Variants in SLC4A4 observed in about 807,000 individuals in gnomAD.
The protein encoded by SLC4A4 is solute carrier family 4 member 4, also known as electrogenic sodium bicarbonate cotransporter 1.
SLC4A4 carries 27 observed loss-of-function variants against 111.5 expected under a neutral mutation model. The observed-to-expected ratio is 0.24, with a 90% CI of 0.18 to 0.33. The LOEUF is 0.33. Ranked by LOEUF, SLC4A4 falls within the 10% of genes least tolerant of loss-of-function variation. The probability of loss-of-function intolerance (pLI) is 1.00; values close to 1 mark genes in which losing one functional copy is unlikely to be tolerated. For missense variants in SLC4A4, 909 were observed against 1,315.5 expected (o/e 0.69, Z 4.78); for synonymous variants, 443 against 463.4 (o/e 0.96, Z 0.57).
At chr4:71,397,717 A>G (rs1579006993) in intron 7 of SLC4A4, 64 bp downstream of exon 7, 2 of 1,377,632 alleles carry the variant, frequency 1.5e-6, no homozygotes, top group African/African-American at 2.9e-5. Flanking sequence ...ATGCTGAGAA[A>G]GGATTAGAGG....
intron 1 of SLC4A4, among the ~76,000 whole-genome samples, chr4:71,086,890 G>C (rs913059271): frequency 2.6e-5 from 4 of 151,976 alleles, no homozygotes; most frequent in African/African-American, 9.7e-5. Flanking sequence ...TCTCTGCCAG[G>C]CTTTGGTATC....
chr4:71,156,476 A>G (rs1020014565), intron 2 of SLC4A4, among the ~76,000 whole-genome samples: 1 of 151,966 alleles, frequency 6.6e-6, no homozygotes, highest in Non-Finnish European at 1.5e-5. Flanking sequence ...AACTCTAACT[A>G]CAATTGACTC....
At chr4:71,224,635 A>G (rs1427020141) in intron 1 of SLC4A4, among the ~76,000 whole-genome samples, 1 of 152,274 alleles carries the variant, frequency 6.6e-6, no homozygotes, top group Non-Finnish European at 1.5e-5. Context: ...TGTTTGCTAA[A>G]TAAAAATAAA....
intron 1 of SLC4A4, among the ~76,000 whole-genome samples, chr4:71,235,334 A>G (rs975314255): frequency 1.3e-5 from 2 of 152,236 alleles, no homozygotes; most frequent in African/African-American, 2.4e-5. Flanking sequence ...GCACATCCGC[A>G]TAGATTATAA....
chr4:71,435,712 A>C (rs1724069837), intron 7 of SLC4A4, among the ~76,000 whole-genome samples: 1 of 152,304 alleles, frequency 6.6e-6, no homozygotes, highest in East Asian at 1.9e-4. Context: ...CAAATTTACA[A>C]GAAAAAAACA....
At chr4:71,271,594 G>A (rs941146449) in intron 3 of SLC4A4, among the ~76,000 whole-genome samples, 2 of 152,126 alleles carry the variant, frequency 1.3e-5, no homozygotes, top group Non-Finnish European at 2.9e-5. Flanking sequence ...ATAAAAAGAG[G>A]CACAATCAGT....
chr4:71,155,646 T>C (rs536006162), intron 2 of SLC4A4, among the ~76,000 whole-genome samples: 2 of 152,196 alleles, frequency 1.3e-5, no homozygotes, highest in South Asian at 4.2e-4. Context: ...TTTGTTTTTT[T>C]AGAGATGGGG....
At position 71,145,555 on chromosome 4, in the gene SLC4A4, C is replaced by T. The variant is rs566219241; in HGVS notation, c.-2+52763C>T. 4.0e-5 allele frequency among the ~76,000 whole-genome samples: 6 copies of T among 151,870 alleles called. No homozygotes were observed. In the East Asian group the frequency reaches 5.9e-4, roughly 15 times the overall value. On this transcript the variant is annotated intron_variant, in intron 2 of 26. Coordinates refer to the SLC4A4 transcript ENST00000649996. ...TCCTCCTTGTACCTCTGGTAGAATTCGGCTGTGAATCCATCTGGTCCTGGA... is the reference window on the plus strand; with the variant it reads ...TCCTCCTTGTACCTCTGGTAGAATTTGGCTGTGAATCCATCTGGTCCTGGA...
intron 3 of SLC4A4, among the ~76,000 whole-genome samples, chr4:71,287,662 TAA>T (rs1724026020): frequency 6.6e-6 from 1 of 152,222 alleles, no homozygotes. Flanking sequence ...TCATTGACAG[TAA>T]AGTCTCATTG....
At chr4:71,491,843 C>T (rs1475796361) in intron 15 of SLC4A4, among the ~76,000 whole-genome samples, 3 of 151,744 alleles carry the variant, frequency 2.0e-5, no homozygotes, top group African/African-American at 7.3e-5. Flanking sequence ...AGTGATTAGC[C>T]TATGGTAAAA....
At chr4:71,172,585 G>C (rs968255583) in intron 2 of SLC4A4, among the ~76,000 whole-genome samples, 1 of 152,202 alleles carries the variant, frequency 6.6e-6, no homozygotes, top group Non-Finnish European at 1.5e-5. Context: ...AATGTTTGCA[G>C]AATATGAATC....
intron 12 of SLC4A4, among the ~76,000 whole-genome samples, chr4:71,458,176 T>C (rs1726472586): frequency 6.6e-6 from 1 of 152,098 alleles, no homozygotes; most frequent in Admixed American, 6.6e-5. Context: ...CATATAAATA[T>C]ATTTCAGTAG....
intron 6 of SLC4A4, among the ~76,000 whole-genome samples, chr4:71,365,090 G>A (rs969084805): frequency 1.3e-5 from 2 of 152,136 alleles, no homozygotes; most frequent in South Asian, 2.1e-4. Flanking sequence ...GAAATAATAT[G>A]TGTACAGCAA....
At chr4:71,102,854 T>C (rs1742799243) in intron 2 of SLC4A4, among the ~76,000 whole-genome samples, 1 of 149,592 alleles carries the variant, frequency 6.7e-6, no homozygotes, top group Non-Finnish European at 1.5e-5. Context: ...AGGAAGAAAC[T>C]GCATCAACTA....
intron 6 of SLC4A4, among the ~76,000 whole-genome samples, chr4:71,383,002 C>G (rs575011855): frequency 2.6e-5 from 4 of 152,170 alleles, no homozygotes; most frequent in Admixed American, 2.6e-4. Flanking sequence ...TGCACCTTTG[C>G]CCACTGGCTT....
At chr4:71,423,443 C>G (rs1282887871) in intron 7 of SLC4A4, among the ~76,000 whole-genome samples, 2 of 152,256 alleles carry the variant, frequency 1.3e-5, no homozygotes, top group African/African-American at 2.4e-5. Context: ...AATGCCATGC[C>G]CATCAAGCTA....
intron 1 of SLC4A4, among the ~76,000 whole-genome samples, chr4:71,085,920 G>GT (rs1378087251): frequency 2.0e-5 from 3 of 152,012 alleles, no homozygotes; most frequent in African/African-American, 7.3e-5. Flanking sequence ...CTTTAAAGTA[G>GT]TTTTTTCCAA....
intron 3 of SLC4A4, among the ~76,000 whole-genome samples, chr4:71,287,787 G>C (rs1724035268): frequency 6.6e-6 from 1 of 152,156 alleles, no homozygotes; most frequent in African/African-American, 2.4e-5. Flanking sequence ...ATAACAAAAT[G>C]TTAATTCATT....
intron 21 of SLC4A4, among the ~76,000 whole-genome samples, chr4:71,557,312 A>G (rs1175111226): frequency 1.3e-5 from 2 of 151,962 alleles, no homozygotes; most frequent in Non-Finnish European, 2.9e-5. Flanking sequence ...CTCTTTGTTC[A>G]GATAAGACAA....
Sources: gnomAD v4.1 joint callset for allele counts (sites outside exome capture counted in the v4.1 genomes callset) on GRCh38, gnomAD v4.1.1 for gene constraint, MANE v1.5 for transcripts, NCBI Gene and HGNC (gene_info 2026-07-23, HGNC 2026-07-21) for gene names.